The following MACROD2 variants were observed in gnomAD, a reference collection of about 807,000 sequenced individuals.
MACROD2 encodes mono-ADP ribosylhydrolase 2, also known as ADP-ribose glycohydrolase MACROD2.
In MACROD2, 36 loss-of-function variants were observed where a neutral mutation model predicts 70.4. That is an observed-to-expected ratio of 0.51 (90% CI 0.39 to 0.68). The LOEUF is 0.68. MACROD2 is among the 30% of genes least tolerant of loss of function. The pLI is 0.00. For synonymous variants in MACROD2, 172 were observed against 178.8 expected (o/e 0.96, Z 0.30); for missense variants, 496 against 538.4 (o/e 0.92, Z 0.78).
intron 8 of MACROD2, among the ~76,000 whole-genome samples, chr20:15,844,598 C>T (rs905221064): frequency 3.3e-5 from 5 of 152,090 alleles, no homozygotes; most frequent in African/African-American, 9.7e-5. Context: ...CAGACTTCAC[C>T]GTACACCTAG....
intron 5 of MACROD2, among the ~76,000 whole-genome samples, chr20:15,123,092 C>T (rs909570677): frequency 8.5e-5 from 13 of 152,066 alleles, no homozygotes; most frequent in African/African-American, 2.9e-4. Flanking sequence ...GCGATAACTA[C>T]TTTTTTAGTG....
chr20:14,862,678 A>T (rs67901169), intron 5 of MACROD2, among the ~76,000 whole-genome samples: 6 of 63,332 alleles, frequency 9.5e-5, no homozygotes, highest in Admixed American at 2.7e-4. Context: ...AATATATATA[A>T]ATATATATAT....
At chr20:14,281,301 T>C (rs1217602645) in intron 3 of MACROD2, among the ~76,000 whole-genome samples, 1 of 152,156 alleles carries the variant, frequency 6.6e-6, no homozygotes, top group Non-Finnish European at 1.5e-5. Context: ...AACATCATGC[T>C]AAAAGAATAC....
intron 5 of MACROD2, among the ~76,000 whole-genome samples, chr20:15,141,583 C>T (rs2076192854): frequency 6.6e-6 from 1 of 152,138 alleles, no homozygotes. Context: ...AGTACACCTG[C>T]TCTTCACATT....
chr20:15,337,220 G>A (rs530170920), intron 6 of MACROD2, among the ~76,000 whole-genome samples: 1 of 151,780 alleles, frequency 6.6e-6, no homozygotes. Context: ...AGAATTTTAA[G>A]AATTTATTGG....
At chr20:14,894,876 TA>T (rs2073809338) in intron 5 of MACROD2, 1 of 152,110 alleles carries the variant, frequency 6.6e-6, no homozygotes, top group African/African-American at 2.4e-5. Flanking sequence ...CGAACAAAAA[TA>T]TATTAACATG....
chr20:15,159,735 A>G (rs2076334727), intron 5 of MACROD2, among the ~76,000 whole-genome samples: 1 of 151,812 alleles, frequency 6.6e-6, no homozygotes, highest in Non-Finnish European at 1.5e-5. Flanking sequence ...TAGAGGTGGT[A>G]TAACACACAT....
In MACROD2 at chr20:14,001,345, C is replaced by A. The variant is rs571809212; in HGVS notation, c.47-943C>A. Among the ~76,000 whole-genome samples the A allele has an allele frequency of 3.9e-5, 6 of 152,152 alleles. No homozygotes were observed. The South Asian group carries it at 1.2e-3, about 32-fold the overall frequency. On this transcript the variant is annotated intron_variant, in intron 1 of 17. Transcript: ENST00000684519. ...TTTATAAATGACATCCACTCTAATT[C>A]TAAGATGCAATTTGTAAAATATTTT...
intron 2 of MACROD2, among the ~76,000 whole-genome samples, chr20:14,084,086 A>AAC (rs1569151562): frequency 1.4e-5 from 2 of 147,998 alleles, no homozygotes; most frequent in African/African-American, 2.5e-5. Context: ...AACAAACAAA[A>AAC]AAAAACCTTC....
At chr20:15,614,755 AC>A (rs2049015060) in intron 8 of MACROD2, among the ~76,000 whole-genome samples, 1 of 152,166 alleles carries the variant, frequency 6.6e-6, no homozygotes, top group Admixed American at 6.6e-5. Context: ...AAGAACCAGG[AC>A]TCAGATACTC....
At chr20:15,415,710 C>CA (rs2046138392) in intron 6 of MACROD2, among the ~76,000 whole-genome samples, 1 of 152,140 alleles carries the variant, frequency 6.6e-6, no homozygotes, top group Non-Finnish European at 1.5e-5. Context: ...AAGTATTCAT[C>CA]AAGTCAATAC....
chr20:14,594,789 T>G (rs1198114249), intron 4 of MACROD2, among the ~76,000 whole-genome samples: 1 of 152,020 alleles, frequency 6.6e-6, no homozygotes, highest in Non-Finnish European at 1.5e-5. Flanking sequence ...ATACTCGGGA[T>G]GCTGAGGCAG....
At chr20:14,146,093 C>A (rs1167598785) in intron 3 of MACROD2, among the ~76,000 whole-genome samples, 1 of 152,112 alleles carries the variant, frequency 6.6e-6, no homozygotes, top group Non-Finnish European at 1.5e-5. Flanking sequence ...GAGGCTGAGG[C>A]GGGCGGATCA....
At chr20:15,997,413 T>C (rs1467839005) in intron 15 of MACROD2, among the ~76,000 whole-genome samples, 2 of 152,186 alleles carry the variant, frequency 1.3e-5, no homozygotes, top group Non-Finnish European at 2.9e-5. Context: ...TACAGATTTT[T>C]CACTGCCTTG....
intron 4 of MACROD2, among the ~76,000 whole-genome samples, chr20:14,675,393 C>T (rs747918804): frequency 3.3e-5 from 5 of 152,074 alleles, no homozygotes; most frequent in Non-Finnish European, 5.9e-5. Context: ...GAGTGGGGGC[C>T]GATATTCAAC....
In MACROD2 at chr20:14,387,638, G is replaced by A. The variant is rs988468616; in HGVS notation, c.272-105841G>A. Among the ~76,000 whole-genome samples, 117 of 152,294 alleles carry A rather than the reference G, an allele frequency of 7.7e-4. 1 individual carries two copies. The highest frequency in any genetic ancestry group is 2.5e-3 in the African/African-American group (105 of 41,568). On this transcript the variant is annotated intron_variant, in intron 3 of 17. Transcript: ENST00000684519. Reference sequence around the variant, plus strand: ...ACAAGCACAATTGTTGGAGGACAACGTCCTTATTGTCCACTCTAGCACCAA... The same window carrying A: ...ACAAGCACAATTGTTGGAGGACAACATCCTTATTGTCCACTCTAGCACCAA...
intron 7 of MACROD2, among the ~76,000 whole-genome samples, chr20:15,455,988 C>T (rs1248187272): frequency 2.6e-5 from 4 of 152,120 alleles, no homozygotes; most frequent in Non-Finnish European, 5.9e-5. Context: ...AGGGATAGCT[C>T]TGTTGACCTC....
At chr20:15,231,362 A>C (rs538528166) in intron 6 of MACROD2, among the ~76,000 whole-genome samples, 2 of 152,056 alleles carry the variant, frequency 1.3e-5, no homozygotes, top group Non-Finnish European at 2.9e-5. Flanking sequence ...TGTTCTCTAT[A>C]GGAAAATAAG....
chr20:15,132,187 A>G (rs926740608), intron 5 of MACROD2, among the ~76,000 whole-genome samples: 3 of 152,078 alleles, frequency 2.0e-5, no homozygotes, highest in Non-Finnish European at 2.9e-5. Flanking sequence ...ATAAATCTTT[A>G]TGGTCTAAAT....
Sources: allele counts gnomAD v4.1 joint callset (sites outside exome capture counted in the v4.1 genomes callset), GRCh38; gene constraint gnomAD v4.1.1; transcripts MANE v1.5; gene names NCBI Gene and HGNC (gene_info 2026-07-23, HGNC 2026-07-21).